TRAK1: variants seen among roughly 807,000 people sequenced by gnomAD.
TRAK1 encodes the protein trafficking kinesin protein 1.
In TRAK1, 33 loss-of-function variants were observed where a neutral mutation model predicts 92.1. That is an observed-to-expected ratio of 0.36 (90% confidence interval 0.27 to 0.48). The LOEUF is 0.48. TRAK1 is among the 20% of genes least tolerant of loss of function. The pLI, the probability that TRAK1 is intolerant of heterozygous loss-of-function variation, is 0.99. For missense variants in TRAK1, 1,123 were observed against 1,257.9 expected (o/e 0.89, Z 1.62); for synonymous variants, 521 against 517.3 (o/e 1.01, Z -0.10).
intron 1 of TRAK1, among the ~76,000 whole-genome samples, chr3:42,080,689 C>T (rs1040731457): frequency 3.3e-5 from 5 of 151,636 alleles, no homozygotes; most frequent in African/African-American, 1.2e-4. Flanking sequence ...GTTAGGCTGG[C>T]ACCTTGGGGA....
At chr3:42,047,373 T>A (rs1186671226) in intron 1 of TRAK1, among the ~76,000 whole-genome samples, 1 of 151,790 alleles carries the variant, frequency 6.6e-6, no homozygotes, top group Non-Finnish European at 1.5e-5. Context: ...TTTTTTTTTT[T>A]TTTTAACTTT....
intron 3 of TRAK1, among the ~76,000 whole-genome samples, chr3:42,183,459 G>A (rs1213628753): frequency 6.6e-6 from 1 of 151,376 alleles, no homozygotes; most frequent in African/African-American, 2.4e-5. Flanking sequence ...AAGGGGCTGA[G>A]GCAGGAGAAT....
intron 3 of TRAK1, among the ~76,000 whole-genome samples, chr3:42,184,195 A>C (rs1241879652): frequency 6.6e-6 from 1 of 152,228 alleles, no homozygotes; most frequent in Non-Finnish European, 1.5e-5. Flanking sequence ...TTCCAGCCTA[A>C]TGTGTGCTAA....
In TRAK1 at chr3:42,199,572, C is replaced by T. The variant is rs558328053; in HGVS notation, c.1190+319C>T. On this transcript the variant is annotated intron_variant, in intron 11 of 15. Transcript: ENST00000327628. ...CTAGGCTCAAGTAATACTGCTGCCT[C>T]AGCCTCTTGAGTAGCTAGGACTACA... Among the ~76,000 whole-genome samples the T allele has an allele frequency of 8.5e-5, 13 of 152,322 alleles. 1 individual carries two copies. In the East Asian group the frequency reaches 2.1e-3, roughly 25 times the overall value.
chr3:42,216,255 C>T (rs184323411), intron 14 of TRAK1, among the ~76,000 whole-genome samples: 1 of 152,264 alleles, frequency 6.6e-6, no homozygotes, highest in Non-Finnish European at 1.5e-5. Context: ...CCACCCTGCT[C>T]TATATAGTGC....
intron 1 of TRAK1, among the ~76,000 whole-genome samples, chr3:42,056,308 G>C (rs1703201631): frequency 6.6e-6 from 1 of 152,220 alleles, no homozygotes; most frequent in Admixed American, 6.5e-5. Flanking sequence ...CCAGCAGTGA[G>C]TGAGGGTTCT....
intron 2 of TRAK1, among the ~76,000 whole-genome samples, chr3:42,136,353 T>C (rs940755661): frequency 3.9e-5 from 6 of 152,110 alleles, no homozygotes; most frequent in African/African-American, 1.4e-4. Context: ...ATAATATTTT[T>C]GTGGCTCACA....
At chr3:42,205,217 G>C (rs1306600885) in intron 13 of TRAK1, among the ~76,000 whole-genome samples, 1 of 152,168 alleles carries the variant, frequency 6.6e-6, no homozygotes, top group Non-Finnish European at 1.5e-5. Context: ...CTGTAGGGCT[G>C]AGTTACTAGT....
intron 2 of TRAK1, chr3:42,149,229 A>C: frequency 3.3e-6 from 4 of 1,227,514 alleles, no homozygotes; most frequent in Non-Finnish European, 3.1e-6. Flanking sequence ...GATCCTGGCT[A>C]CTCCCATTCA....
intron 1 of TRAK1, among the ~76,000 whole-genome samples, chr3:42,121,704 C>T (rs1030395645): frequency 2.0e-5 from 3 of 152,228 alleles, no homozygotes; most frequent in African/African-American, 7.2e-5. Flanking sequence ...AGGAGAGCTG[C>T]ACGGGCCATC....
chr3:42,038,090 A>G (rs1257804147), intron 1 of TRAK1, among the ~76,000 whole-genome samples: 1 of 152,210 alleles, frequency 6.6e-6, no homozygotes, highest in Admixed American at 6.5e-5. Flanking sequence ...AGACAGGATT[A>G]TAACATTGTC....
chr3:42,042,826 C>T (rs971536032), intron 1 of TRAK1, among the ~76,000 whole-genome samples: 1 of 152,128 alleles, frequency 6.6e-6, no homozygotes, highest in African/African-American at 2.4e-5. Context: ...ACTAGCTCTT[C>T]CTCTCTCTGG....
At chr3:42,066,515 C>T (rs1020911917) in intron 1 of TRAK1, among the ~76,000 whole-genome samples, 6 of 149,062 alleles carry the variant, frequency 4.0e-5, no homozygotes, top group East Asian at 2.0e-4. Context: ...GGTCATGAGC[C>T]GTGCAGAAGT....
At chr3:42,014,717 C>A (rs1028925351) in intron 1 of TRAK1, among the ~76,000 whole-genome samples, 6 of 152,266 alleles carry the variant, frequency 3.9e-5, no homozygotes, top group Middle Eastern at 3.4e-3. Context: ...TTAAGCTTGC[C>A]TGTTTTAGAA....
chr3:42,037,705 C>G (rs183145154), intron 1 of TRAK1, among the ~76,000 whole-genome samples: 2 of 152,214 alleles, frequency 1.3e-5, no homozygotes, highest in African/African-American at 2.4e-5. Flanking sequence ...GAGGAAGTCT[C>G]GTGACCTGTG....
chr3:42,187,989 G>C (rs781073007), intron 4 of TRAK1, 56 bp from the exon 5 acceptor site: 30 of 1,450,388 alleles, frequency 2.1e-5, no homozygotes, highest in Non-Finnish European at 2.9e-5. Flanking sequence ...ATGTGAGTCG[G>C]GGGGGACAGT....
chr3:42,119,688 G>A (rs879325188), intron 1 of TRAK1, among the ~76,000 whole-genome samples: 6 of 152,238 alleles, frequency 3.9e-5, no homozygotes, highest in Admixed American at 1.3e-4. Context: ...CAGACGGAAA[G>A]GGCATGACTT....
In TRAK1 at chr3:42,187,990, G is replaced by C. The variant is rs75431929; in HGVS notation, c.481-55G>C. On this transcript the variant is annotated intron_variant, in intron 4 of 15. Transcript: ENST00000327628. Reference sequence around the variant, plus strand: ...TGTTAAGTGTTGGAATGTGAGTCGGGGGGGACAGTATCACCTTTTGGGAAG... The same window carrying C: ...TGTTAAGTGTTGGAATGTGAGTCGGCGGGGACAGTATCACCTTTTGGGAAG... 7.0e-4 allele frequency: 1,021 copies of C among 1,457,756 alleles called. 8 individuals are homozygous for C. In the African/African-American group the frequency reaches 0.012, roughly 17 times the overall value. The allele number at this position is 1,457,756 out of a possible 1,614,324, so 90.3% of individuals were successfully genotyped here.
Position 42,223,173 on chromosome 3 carries a change from C to CTGCA in TRAK1, c.2298_2299insTGCA (p.Leu767CysfsTer33). The CTGCA allele has an allele frequency of 6.2e-7, 1 of 1,614,066 alleles. No individual in the cohort carries two copies. Among genetic ancestry groups the CTGCA allele is most frequent in the Non-Finnish European group, 8.5e-7 (1 of 1,180,004 alleles). ...GCTGGGACAGGGCCGGCCGGGGCTC[C>CTGCA]CTCCTGCACTCCTACACGCCCAAGA... On this transcript the variant is annotated frameshift_variant, in exon 16 of 16. Transcript: ENST00000327628. LOFTEE classifies it high-confidence loss of function. The surrounding 1 kb of genome is among the most constrained non-coding windows in gnomAD (Gnocchi z 6.1).
Sources: gnomAD v4.1 joint callset for allele counts (sites outside exome capture counted in the v4.1 genomes callset) on GRCh38, gnomAD v4.1.1 for gene constraint, Gnocchi (gnomAD v3.1) non-coding constraint, MANE v1.5 for transcripts, NCBI Gene and HGNC (gene_info 2026-07-23, HGNC 2026-07-21) for gene names.